Variants in ZNF724 observed in about 807,000 individuals in gnomAD.
ZNF724 encodes zinc finger protein 724 pseudogene.
ZNF724 carries 14 observed loss-of-function variants against 29.3 expected under a neutral mutation model. The ratio of observed to expected loss-of-function variants is 0.48; its 90% CI spans 0.32 to 0.75. ZNF724 has a LOEUF of 0.75. ZNF724 is among the 30% of genes least tolerant of loss of function. The pLI, the probability that ZNF724 is intolerant of heterozygous loss-of-function variation, is 0.04. For missense variants in ZNF724, 557 were observed against 571.2 expected (o/e 0.98, Z 0.25); for synonymous variants, 180 against 193.6 (o/e 0.93, Z 0.58).
intron 1 of ZNF724, among the ~76,000 whole-genome samples, chr19:23,237,247 A>G (rs867154776): frequency 3.4e-4 from 52 of 152,162 alleles, no homozygotes; most frequent in African/African-American, 4.8e-4. Flanking sequence ...AAAAGCTATT[A>G]TATTTCTTGC....
chr19:23,223,313 A>T lies in ZNF724; in HGVS notation c.932T>A (p.Ile311Lys). Residue 311 changes from isoleucine (I) to lysine (K), a missense_variant, in exon 4 of 4, where the codon ATA becomes AAA. By Grantham distance (102) the Ile-to-Lys change is moderately radical. Transcript: ENST00000418100. ...KIIHAGEKPYICEHCGRAFNQ... is the reference protein window; with the variant it reads ...KIIHAGEKPYKCEHCGRAFNQ... ...AAAAGCTCTGCCACAATGTTCACAT[A>T]TGTAGGGCTTCTCTCCAGCATGAAT... The T allele has an allele frequency of 1.3e-6, 1 of 770,626 alleles. No homozygotes were observed. The highest frequency in any genetic ancestry group is 2.4e-6 in the Non-Finnish European group (1 of 416,774). 47.7% of individuals were successfully genotyped at this position (770,626 alleles called of 1,614,324 possible).
At chr19:23,230,600 T>C (rs530559900) in intron 3 of ZNF724, among the ~76,000 whole-genome samples, 253 of 152,248 alleles carry the variant, frequency 1.7e-3, no homozygotes, top group African/African-American at 5.9e-3. Flanking sequence ...AACTTAATAG[T>C]TTAACACAGA....
chr19:23,223,028 G>T lies in ZNF724; in HGVS notation c.1217C>A (p.Ser406Tyr). 7.6e-7 allele frequency: 1 copy of T among 1,324,286 alleles called. No individual in the cohort carries two copies. Among genetic ancestry groups the T allele is most frequent in the South Asian group, 1.2e-5 (1 of 84,926 alleles). 82.0% of individuals were successfully genotyped at this position (1,324,286 alleles called of 1,614,324 possible). Residue 406 changes from serine to tyrosine, a missense_variant, in exon 4 of 4, where the codon TCC becomes TAC. Physicochemically the swap from Ser to Tyr is moderately radical, Grantham distance 144. Around this residue, in one of 3 missense-constraint regions of ZNF724, gnomAD observed 362 missense variants for 295.5 expected, o/e 1.22. Transcript: ENST00000418100. The part of the protein sequence containing the change: ...CEECGKAFNT[S>Y]SHLTTHKRIH... The stretch of plus-strand genomic sequence containing the variant: ...TCTTTTATGTGTGGTGAGGTGTGAG[G>T]ATGTGTTAAAGGCTTTGCCACATTC...
chr19:23,234,695 A>C (rs1022486994), intron 1 of ZNF724, among the ~76,000 whole-genome samples: 1 of 152,080 alleles, frequency 6.6e-6, no homozygotes, highest in African/African-American at 2.4e-5. Flanking sequence ...CAGGTGATCC[A>C]CCCACCTCGG....
chr19:23,234,046 A>G (rs927182064), intron 1 of ZNF724, among the ~76,000 whole-genome samples: 1 of 151,962 alleles, frequency 6.6e-6, no homozygotes, highest in African/African-American at 2.4e-5. Flanking sequence ...GTCCTTAGGT[A>G]CCCTCCCCAC....
intron 3 of ZNF724, among the ~76,000 whole-genome samples, chr19:23,227,971 G>A (rs781556612): frequency 2.6e-5 from 4 of 152,044 alleles, no homozygotes; most frequent in Non-Finnish European, 4.4e-5. Flanking sequence ...TTCTTAACCC[G>A]ACAGCAAGAA....
intron 3 of ZNF724, among the ~76,000 whole-genome samples, chr19:23,228,659 G>C (rs1012780284): frequency 6.6e-6 from 1 of 152,030 alleles, no homozygotes; most frequent in African/African-American, 2.4e-5. Flanking sequence ...CAGCACTTTG[G>C]GAGGCTAAGG....
chr19:23,247,549 A>G (rs74921175), intron 1 of ZNF724, among the ~76,000 whole-genome samples: 21,994 of 152,150 alleles, frequency 0.14, 1,598 homozygotes, highest in Middle Eastern at 0.23. Context: ...CATCCTGCTC[A>G]CTTAAGTGTC....
At chr19:23,240,323 G>C (rs1972098518) in intron 1 of ZNF724, among the ~76,000 whole-genome samples, 1 of 151,198 alleles carries the variant, frequency 6.6e-6, no homozygotes, top group African/African-American at 2.4e-5. Context: ...ACCCAAAAAG[G>C]ATGAAAACTG....
At chr19:23,224,870 G>A (rs1436496730) in intron 3 of ZNF724, among the ~76,000 whole-genome samples, 12 of 151,890 alleles carry the variant, frequency 7.9e-5, no homozygotes, top group African/African-American at 2.2e-4. Flanking sequence ...CAGGAGAATC[G>A]CTTGAACCTG....
In ZNF724 at chr19:23,222,731, G is replaced by A. The variant is rs183425731; in HGVS notation, c.1514C>T (p.Pro505Leu). 832 of 1,420,074 alleles carry A rather than the reference G, an allele frequency of 5.9e-4. 4 individuals are homozygous for A. The highest frequency in any genetic ancestry group is 4.2e-3 in the Middle Eastern group (24 of 5,702). 88.0% of individuals were successfully genotyped at this position (1,420,074 alleles called of 1,614,324 possible). ...TTTGCCACATTCTTTACATTTGTAG[G>A]GTTTCTCTCCAGTATGAATTTTCTT... ...THKKIHTGEK[P>L]YKCKECGKAF... Residue 505 changes from proline (P) to leucine (L), a missense_variant, in exon 4 of 4, where the codon CCC (proline) becomes CTC (leucine). By Grantham distance (98) the Pro-to-Leu change is moderately conservative. This residue lies in a region of ZNF724 where 170 missense variants were observed against 220.7 expected (regional missense o/e 0.77). Transcript: ENST00000418100.
In ZNF724 at chr19:23,222,764, G is replaced by T; in HGVS notation, c.1481C>A (p.Thr494Lys). 1 of 1,408,736 alleles carries T rather than the reference G, an allele frequency of 7.1e-7. No individual in the cohort carries two copies. Among genetic ancestry groups the T allele is most frequent in the Non-Finnish European group, 1.0e-6 (1 of 1,001,796 alleles). 87.3% of individuals were successfully genotyped at this position (1,408,736 alleles called of 1,614,324 possible). A position where few individuals can be genotyped will look rare whatever the true frequency, so the allele number is the denominator to read the frequency against. Residue 494 changes from threonine (T) to lysine (K), a missense_variant, in exon 4 of 4, where the codon ACA (threonine) becomes AAA (lysine). This residue lies in a region of ZNF724 where 170 missense variants were observed against 220.7 expected (regional missense o/e 0.77). Coordinates refer to ENST00000418100, the MANE Select transcript of ZNF724 (RefSeq NM_001355404.2). ...GKAFNLSSHL[T>K]THKKIHTGEK... is the part of the protein sequence containing the mutation. ...TCCAGTATGAATTTTCTTATGTGTT[G>T]TAAGGTGTGAGGATAGGTTAAAAGC... is the stretch of plus-strand genomic sequence containing the variant.
At chr19:23,247,909 A>C (rs947296671) in intron 1 of ZNF724, among the ~76,000 whole-genome samples, 7 of 152,198 alleles carry the variant, frequency 4.6e-5, no homozygotes, top group African/African-American at 1.7e-4. Flanking sequence ...GCTACACTCC[A>C]TACCTCAGCT....
intron 1 of ZNF724, among the ~76,000 whole-genome samples, chr19:23,239,970 G>A (rs544937551): frequency 4.8e-4 from 73 of 151,226 alleles, no homozygotes; most frequent in African/African-American, 1.7e-3. Flanking sequence ...AAGATAAACC[G>A]CTAGCAAGAT....
intron 1 of ZNF724, among the ~76,000 whole-genome samples, chr19:23,234,596 C>T (rs1263595393): frequency 6.6e-6 from 1 of 152,142 alleles, no homozygotes; most frequent in Non-Finnish European, 1.5e-5. Flanking sequence ...AGATTACAGG[C>T]ATCTGCCACC....
Position 23,222,762 on chromosome 19 carries a change from T to G in ZNF724, c.1483A>C (p.Thr495Pro), listed in dbSNP as rs1189364950. ...KAFNLSSHLT[T>P]HKKIHTGEKP... Reference sequence around the variant, plus strand: ...TCTCCAGTATGAATTTTCTTATGTGTTGTAAGGTGTGAGGATAGGTTAAAA... The same window carrying G: ...TCTCCAGTATGAATTTTCTTATGTGGTGTAAGGTGTGAGGATAGGTTAAAA... The change falls in exon 4 of 4, where the codon ACA (threonine) becomes CCA (proline). Residue 495 changes from threonine (T) to proline (P), a missense_variant. Transcript: ENST00000418100. The G allele has an allele frequency of 2.3e-5, 33 of 1,406,716 alleles. No homozygotes were observed. Among genetic ancestry groups the G allele is most frequent in the Non-Finnish European group, 3.2e-5 (32 of 1,000,202 alleles). The allele number at this position is 1,406,716 out of a possible 1,614,324, so 87.1% of individuals were successfully genotyped here. A position where few individuals can be genotyped will look rare whatever the true frequency, so the allele number is the denominator to read the frequency against.
At chr19:23,244,902 T>C (rs541420761) in intron 1 of ZNF724, among the ~76,000 whole-genome samples, 1 of 152,298 alleles carries the variant, frequency 6.6e-6, no homozygotes, top group South Asian at 2.1e-4. Flanking sequence ...AAAAACACTG[T>C]AGTTATGTTG....
At chr19:23,235,187 T>C (rs1371685659) in intron 1 of ZNF724, among the ~76,000 whole-genome samples, 1 of 152,262 alleles carries the variant, frequency 6.6e-6, no homozygotes, top group African/African-American at 2.4e-5. Context: ...TTATGTGATT[T>C]AATTCTCATA....
chr19:23,239,277 T>C (rs921955808), intron 1 of ZNF724, among the ~76,000 whole-genome samples: 2 of 152,234 alleles, frequency 1.3e-5, no homozygotes, highest in African/African-American at 4.8e-5. Flanking sequence ...TACATTCTTC[T>C]CATCACCACG....
Sources: gnomAD v4.1 joint callset for allele counts (sites outside exome capture counted in the v4.1 genomes callset) on GRCh38, gnomAD v4.1.1 for gene constraint, gnomAD v4.1.1 regional missense constraint, MANE v1.5 for transcripts, NCBI Gene and HGNC (gene_info 2026-07-23, HGNC 2026-07-21) for gene names.